Variants in TRMT2B observed in about 807,000 individuals in gnomAD.
The protein encoded by TRMT2B is tRNA methyltransferase 2B.
A neutral mutation model predicts 39.7 loss-of-function variants in TRMT2B; 34 were observed. That is an observed-to-expected ratio of 0.86 (90% CI 0.65 to 1.14). The LOEUF (loss-of-function observed/expected upper bound fraction) is 1.14. Among genes scored for constraint, TRMT2B ranks in the 50% most tolerant of loss-of-function variants. The pLI, the probability that TRMT2B is intolerant of heterozygous loss-of-function variation, is 0.00. For missense variants in TRMT2B, 318 were observed against 377.2 expected, an observed-to-expected ratio of 0.84 and a Z score of 1.30; for synonymous variants, 132 against 137.3, an observed-to-expected ratio of 0.96 and a Z score of 0.27.
downstream of TRMT2B, among the ~76,000 whole-genome samples, chrX:101,007,641 A>G (rs41300145): frequency 0.47 from 51,489 of 110,566 alleles, 9,733 homozygotes; most frequent in African/African-American, 0.69. Flanking sequence ...GGGTGACAGA[A>G]TGAGACTGTG....
rs1037661744 is a variant in TRMT2B, at chrX:101,040,335, A to G, written c.303+982T>C. ...GAATTGCAGCTTGGAGTTATCATGA[A>G]GTCATAAAAAGAGGGCTATGTGAGT... On this transcript the variant is annotated intron_variant, in intron 4 of 13. Transcript: ENST00000372936. Among the ~76,000 whole-genome samples the G allele has an allele frequency of 5.5e-5, 6 of 109,149 alleles. No homozygotes were observed. In the Admixed American group the frequency reaches 6.0e-4, roughly 11 times the overall value. The allele number at this position is 109,149 out of a possible 115,157, so 94.8% of individuals were successfully genotyped here.
At chrX:100,986,698 A>C in the TRMT2B span, 6 of 506,203 alleles carry the variant, frequency 1.2e-5, no homozygotes, top group Non-Finnish European at 2.0e-5. Context: ...TTATAGTAGA[A>C]TTTGTTCTCC....
chrX:100,999,789 G>A, the TRMT2B span, among the ~76,000 whole-genome samples: 1 of 111,623 alleles, frequency 9.0e-6, no homozygotes, highest in African/African-American at 3.3e-5. Context: ...ATCACCTTGG[G>A]GATCTTTTAA....
intron 2 of TRMT2B, among the ~76,000 whole-genome samples, chrX:101,048,428 T>G (rs1221981397): frequency 9.3e-6 from 1 of 107,103 alleles, no homozygotes; most frequent in East Asian, 2.8e-4. Flanking sequence ...AACACAGGCT[T>G]TGAAGCCATG....
chrX:100,974,693 C>G, the TRMT2B span, among the ~76,000 whole-genome samples: 2 of 111,469 alleles, frequency 1.8e-5, no homozygotes, highest in Non-Finnish European at 3.8e-5. Context: ...GAAATGTCGT[C>G]AGTTCCGATA....
chrX:100,977,337 C>T, the TRMT2B span, among the ~76,000 whole-genome samples: 89 of 107,273 alleles, frequency 8.3e-4, no homozygotes, highest in Middle Eastern at 4.9e-3. Context: ...ACTATCCTTT[C>T]CACCCTGTAG....
At chrX:101,048,924 T>G (rs1176472599) in intron 2 of TRMT2B, among the ~76,000 whole-genome samples, 2 of 112,267 alleles carry the variant, frequency 1.8e-5, no homozygotes, top group Non-Finnish European at 3.7e-5. Flanking sequence ...GGACTGTGCT[T>G]AAGACAGCCA....
chrX:101,018,732 C>T (rs1232267382), intron 13 of TRMT2B, among the ~76,000 whole-genome samples: 1 of 111,783 alleles, frequency 8.9e-6, no homozygotes, highest in East Asian at 2.8e-4. Context: ...GGATTACTGG[C>T]GTGAGCCACC....
intron 7 of TRMT2B, among the ~76,000 whole-genome samples, chrX:101,035,294 A>G (rs1258593594): frequency 8.9e-6 from 1 of 111,949 alleles, no homozygotes; most frequent in Non-Finnish European, 1.9e-5. Flanking sequence ...TGAAAACACT[A>G]GCCTTCCAAA....
chrX:101,046,180 A>G (rs949903571), intron 2 of TRMT2B, among the ~76,000 whole-genome samples: 1 of 109,876 alleles, frequency 9.1e-6, no homozygotes, highest in African/African-American at 3.3e-5. Context: ...TCAATCAATC[A>G]AAACAAAATT....
chrX:101,030,976 A>T (rs1483815798), intron 7 of TRMT2B, among the ~76,000 whole-genome samples: 2 of 102,083 alleles, frequency 2.0e-5, no homozygotes, highest in African/African-American at 7.1e-5. Context: ...AAGCCTCACT[A>T]TTTTTTTTTT....
At chrX:100,974,227 G>A in the TRMT2B span, 6 of 1,081,851 alleles carry the variant, frequency 5.5e-6, no homozygotes, top group East Asian at 6.4e-5. Context: ...AGATACTGGC[G>A]TGGGTCTCCC....
the TRMT2B span, among the ~76,000 whole-genome samples, chrX:100,982,375 T>G: frequency 9.1e-6 from 1 of 110,322 alleles, no homozygotes; most frequent in Non-Finnish European, 1.9e-5. Flanking sequence ...GCCTGTAATC[T>G]CAGCTACGCA....
chrX:101,001,184 A>G, the TRMT2B span, among the ~76,000 whole-genome samples: 1 of 110,875 alleles, frequency 9.0e-6, no homozygotes, highest in Non-Finnish European at 1.9e-5. Context: ...ACTGATGACT[A>G]AGACCCTCCC....
chrX:101,030,470 A>ATTTTTTTTTTTTTTTT, intron 7 of TRMT2B, among the ~76,000 whole-genome samples: 1 of 30,049 alleles, frequency 3.3e-5, no homozygotes, highest in Admixed American at 2.4e-4. Flanking sequence ...TTTTTTTTTC[A>ATTTTTTTTTTTTTTTT]GATGGAGTCT....
chrX:100,995,189 GA>G, the TRMT2B span, among the ~76,000 whole-genome samples: 1 of 111,532 alleles, frequency 9.0e-6, no homozygotes, highest in African/African-American at 3.3e-5. Flanking sequence ...TTTCTGACAT[GA>G]AAGTGTATAG....
At chrX:100,988,158 T>C in the TRMT2B span, 2 of 1,120,794 alleles carry the variant, frequency 1.8e-6, no homozygotes, top group Non-Finnish European at 2.4e-6. Context: ...AGTGTGTCCG[T>C]TTCTACTACT....
the TRMT2B span, among the ~76,000 whole-genome samples, chrX:100,974,621 A>T: frequency 8.9e-6 from 1 of 111,800 alleles, no homozygotes; most frequent in South Asian, 3.7e-4. Context: ...CAAGTGTGGG[A>T]TGATAAAGAA....
chrX:101,020,681 T>C (rs2086754690), intron 10 of TRMT2B, 93 bp from the exon 11 acceptor site: 2 of 732,351 alleles, frequency 2.7e-6, no homozygotes, highest in African/African-American at 4.1e-5. Flanking sequence ...AGTTTGTTTG[T>C]TTGTTTTAAA....
Sources: gnomAD v4.1 joint callset for allele counts (sites outside exome capture counted in the v4.1 genomes callset) on GRCh38, gnomAD v4.1.1 for gene constraint, MANE v1.5 for transcripts, NCBI Gene and HGNC (gene_info 2026-07-23, HGNC 2026-07-21) for gene names.